Variants in IPO7 observed in about 807,000 individuals in gnomAD.
The protein encoded by IPO7 is importin 7.
In IPO7, 13 loss-of-function variants were observed where a neutral mutation model predicts 136.4. That is an observed-to-expected ratio of 0.10 (90% CI 0.06 to 0.15). The LOEUF is 0.15. Among genes scored for constraint, IPO7 ranks in the 10% least tolerant of loss-of-function variants. The pLI, the probability that IPO7 is intolerant of heterozygous loss-of-function variation, is 1.00. For missense variants in IPO7, 857 were observed against 1,240.6 expected, an observed-to-expected ratio of 0.69 and a Z score of 4.65; for synonymous variants, 403 against 404.4, an observed-to-expected ratio of 1.00 and a Z score of 0.04.
At chr11:9,404,856 G>T (rs1046433265) in intron 2 of IPO7, among the ~76,000 whole-genome samples, 1 of 152,042 alleles carries the variant, frequency 6.6e-6, no homozygotes, top group Admixed American at 6.5e-5. Context: ...GTGAGCCACC[G>T]CGCCCGGCCT....
At chr11:9,431,043 T>C (rs1238286508) in intron 16 of IPO7, 40 bp downstream of exon 16, 3 of 1,584,544 alleles carry the variant, frequency 1.9e-6, no homozygotes, top group Non-Finnish European at 2.6e-6. Context: ...TCAAGCCATT[T>C]TATGCTTTTT....
In IPO7 at chr11:9,434,831, A is replaced by G. The variant is rs1855348097; in HGVS notation, c.2075-103A>G. 3 of 776,430 alleles carry G rather than the reference A, an allele frequency of 3.9e-6. No individual in the cohort carries two copies. The East Asian group carries it at 7.7e-5, about 20-fold the overall frequency. The allele number at this position is 776,430 out of a possible 1,614,324, so 48.1% of individuals were successfully genotyped here. On this transcript the variant is annotated intron_variant, in intron 18 of 24. Transcript: ENST00000379719. ...CCAAAAAAAGGTGAATGTTAGAGAC[A>G]AAATGATCTCATAGATTTGCCTTTT...
Position 9,445,484 on chromosome 11 carries a change from A to G in IPO7, c.*290A>G. On this transcript the variant is annotated 3_prime_UTR_variant, in exon 25 of 25. Coordinates refer to ENST00000379719, the MANE Select transcript of IPO7 (RefSeq NM_006391.3). ...GAAGCTTCAAAGTGACACTGTGGAA[A>G]TCTGAAACGAGGGGATGTCATGAAG... 1 of 259,556 alleles carries G rather than the reference A, an allele frequency of 3.9e-6. No individual in the cohort carries two copies. The highest frequency in any genetic ancestry group is 7.4e-6 in the Non-Finnish European group (1 of 135,622). 16.1% of individuals were successfully genotyped at this position (259,556 alleles called of 1,614,324 possible).
intron 3 of IPO7, among the ~76,000 whole-genome samples, chr11:9,409,700 C>T (rs879828199): frequency 4.6e-5 from 7 of 152,150 alleles, no homozygotes; most frequent in Non-Finnish European, 1.0e-4. Context: ...TCAAATGAAA[C>T]TTGTTTATTG....
intron 19 of IPO7, among the ~76,000 whole-genome samples, chr11:9,435,693 A>G (rs1454963394): frequency 6.6e-6 from 1 of 152,146 alleles, no homozygotes; most frequent in Non-Finnish European, 1.5e-5. Flanking sequence ...CTACATTTCT[A>G]TTCCTGAACA....
chr11:9,408,356 G>T, intron 2 of IPO7, 130 bp from the exon 3 acceptor site: 1 of 468,036 alleles, frequency 2.1e-6, no homozygotes, highest in Non-Finnish European at 3.6e-6. Context: ...ATTGAATGTA[G>T]TATTTTGTTA....
intron 14 of IPO7, 71 bp downstream of exon 14, chr11:9,429,267 C>G: frequency 7.7e-7 from 1 of 1,294,030 alleles, no homozygotes; most frequent in Non-Finnish European, 1.1e-6. Flanking sequence ...GTAATCTTAG[C>G]ACTTCGGTAG....
intron 15 of IPO7, chr11:9,430,624 G>A (rs1028609689): frequency 9.7e-6 from 4 of 411,684 alleles, no homozygotes; most frequent in African/African-American, 2.0e-5. Context: ...TTTAGTCCTC[G>A]TACGGTGTCT....
At chr11:9,413,644 G>T (rs921744626) in intron 4 of IPO7, among the ~76,000 whole-genome samples, 4 of 151,926 alleles carry the variant, frequency 2.6e-5, no homozygotes, top group Non-Finnish European at 5.9e-5. Flanking sequence ...AACTATCAAA[G>T]TGAGGATACT....
At chr11:9,431,927 A>G (rs1015667179) in intron 16 of IPO7, among the ~76,000 whole-genome samples, 1 of 152,140 alleles carries the variant, frequency 6.6e-6, no homozygotes, top group African/African-American at 2.4e-5. Context: ...GTGAGCATAG[A>G]TCGCGCCACT....
chr11:9,391,663 C>G (rs1854634877), intron 1 of IPO7, among the ~76,000 whole-genome samples: 2 of 152,148 alleles, frequency 1.3e-5, no homozygotes, highest in Non-Finnish European at 2.9e-5. Flanking sequence ...GAGATCACAC[C>G]ACTGCACTCC....
intron 1 of IPO7, among the ~76,000 whole-genome samples, chr11:9,396,133 C>T (rs1465303148): frequency 1.3e-5 from 2 of 151,960 alleles, no homozygotes; most frequent in African/African-American, 4.8e-5. Context: ...TGGTGGCTCA[C>T]CCCTATAATC....
chr11:9,418,718 C>T (rs1318499391), intron 6 of IPO7, among the ~76,000 whole-genome samples: 3 of 152,046 alleles, frequency 2.0e-5, no homozygotes, highest in Non-Finnish European at 4.4e-5. Context: ...ATAATCCGTG[C>T]ACCGATTATA....
At chr11:9,390,357 T>A (rs1020474144) in intron 1 of IPO7, among the ~76,000 whole-genome samples, 38 of 152,202 alleles carry the variant, frequency 2.5e-4, no homozygotes, top group African/African-American at 8.2e-4. Flanking sequence ...AAAGGTTAAC[T>A]ATTACTGCTG....
At chr11:9,420,342 C>T in intron 6 of IPO7, 69 bp from the exon 7 acceptor site, 2 of 999,206 alleles carry the variant, frequency 2.0e-6, no homozygotes, top group Middle Eastern at 3.2e-4. Flanking sequence ...TTTTGTCAAT[C>T]TATTCTCATC....
At chr11:9,421,726 C>T (rs1855132887) in intron 8 of IPO7, among the ~76,000 whole-genome samples, 3 of 151,198 alleles carry the variant, frequency 2.0e-5, no homozygotes, top group South Asian at 2.1e-4. Context: ...GGGCGGATCA[C>T]GAGGTCAGGA....
intron 1 of IPO7, among the ~76,000 whole-genome samples, chr11:9,386,301 G>T (rs1397874027): frequency 6.6e-6 from 1 of 152,174 alleles, no homozygotes; most frequent in African/African-American, 2.4e-5. Flanking sequence ...ACCTTGGGAG[G>T]AGCTTAGATT....
At chr11:9,431,219 C>T (rs1265197645) in intron 16 of IPO7, among the ~76,000 whole-genome samples, 2 of 152,018 alleles carry the variant, frequency 1.3e-5, no homozygotes, top group African/African-American at 4.8e-5. Context: ...TTTGGCTCCT[C>T]GTTATGTTTT....
At chr11:9,435,710 CAT>C (rs959276854) in intron 19 of IPO7, among the ~76,000 whole-genome samples, 1 of 152,112 alleles carries the variant, frequency 6.6e-6, no homozygotes, top group Non-Finnish European at 1.5e-5. Flanking sequence ...AACACTTATT[CAT>C]ATGTTTATAC....
Sources: allele counts gnomAD v4.1 joint callset (sites outside exome capture counted in the v4.1 genomes callset), GRCh38; gene constraint gnomAD v4.1.1; transcripts MANE v1.5; gene names NCBI Gene and HGNC (gene_info 2026-07-23, HGNC 2026-07-21).